Variants in PDE9A observed in about 807,000 individuals in gnomAD.
PDE9A encodes the protein high affinity cGMP-specific 3',5'-cyclic phosphodiesterase 9A.
Under a neutral mutation model 87.4 loss-of-function variants are expected in PDE9A, and 60 were observed. That is an observed-to-expected ratio of 0.69 (90% CI 0.56 to 0.85). The LOEUF (loss-of-function observed/expected upper bound fraction) is 0.85, where lower values mean the gene tolerates loss of function less well. PDE9A is among the 40% of genes least tolerant of loss of function. The probability of loss-of-function intolerance (pLI) is 0.00; values close to 1 mark genes in which losing one functional copy is unlikely to be tolerated. For missense variants in PDE9A, 665 were observed against 779.0 expected (o/e 0.85, Z 1.74); for synonymous variants, 272 against 279.4 (o/e 0.97, Z 0.27).
intron 7 of PDE9A, chr21:42,741,727 A>AT (rs61517773): frequency 0.38 from 58,462 of 151,986 alleles, 12,756 homozygotes; most frequent in African/African-American, 0.6. Context: ...CGGGAGGCTG[A>AT]TTCCAGCTAG....
intron 15 of PDE9A, 50 bp from the exon 16 acceptor site, chr21:42,768,138 G>C (rs975831223): frequency 4.9e-6 from 5 of 1,014,938 alleles, no homozygotes; most frequent in Non-Finnish European, 6.1e-6. Context: ...AGCAGCAGCA[G>C]GCCCGTGTTC....
At chr21:42,684,063 A>G (rs1468161551) in intron 1 of PDE9A, among the ~76,000 whole-genome samples, 2 of 152,252 alleles carry the variant, frequency 1.3e-5, no homozygotes, top group Non-Finnish European at 2.9e-5. Context: ...TTCTAATCCA[A>G]GAAACCCAAT....
At chr21:42,671,814 G>A (rs778282897) in intron 1 of PDE9A, among the ~76,000 whole-genome samples, 4 of 152,172 alleles carry the variant, frequency 2.6e-5, no homozygotes, top group African/African-American at 4.8e-5. Context: ...ATTATCGAGC[G>A]CTGAAAAAGG....
At chr21:42,687,470 G>T (rs1391799708) in intron 2 of PDE9A, among the ~76,000 whole-genome samples, 1 of 151,976 alleles carries the variant, frequency 6.6e-6, no homozygotes, top group Non-Finnish European at 1.5e-5. Context: ...CCCAAAACAT[G>T]TGAGGTTGGA....
intron 3 of PDE9A, chr21:42,689,403 A>G (rs780635609): frequency 2.3e-4 from 74 of 319,140 alleles, no homozygotes; most frequent in Non-Finnish European, 3.3e-4. Flanking sequence ...CTCCCCAGAG[A>G]CTCCAGTAAG....
intron 1 of PDE9A, among the ~76,000 whole-genome samples, chr21:42,670,891 G>A (rs1445423512): frequency 6.6e-6 from 1 of 151,722 alleles, no homozygotes. Context: ...GGTGTCTCCT[G>A]AGGTCTCTAG....
chr21:42,732,876 T>C (rs1468689908), intron 6 of PDE9A, among the ~76,000 whole-genome samples: 2 of 152,242 alleles, frequency 1.3e-5, no homozygotes, highest in African/African-American at 4.8e-5. Flanking sequence ...ATCACGCCAC[T>C]GCACTCCAGC....
rs763944815 is a variant in PDE9A at position 42,751,139 on chromosome 21, G to A, written c.677G>A (p.Ser226Asn). ...SSRTNCPCKYSFLDNHKKLTP... is the reference protein window; with the variant it reads ...SSRTNCPCKYNFLDNHKKLTP... ...AGGACCAACTGCCCCTGTAAGTACA[G>A]TTTTTTGGATAACCACAAGAAGTTG... The change falls in exon 9 of 20, where the codon AGT becomes AAT. Residue 226 changes from serine (S) to asparagine (N), a missense_variant. Transcript: ENST00000291539. 23 of 1,612,482 alleles carry A rather than the reference G, an allele frequency of 1.4e-5. 1 individual carries two copies. The South Asian group carries it at 2.5e-4, about 18-fold the overall frequency.
intron 13 of PDE9A, among the ~76,000 whole-genome samples, chr21:42,761,410 G>A (rs1188148982): frequency 2.6e-5 from 4 of 152,236 alleles, no homozygotes; most frequent in African/African-American, 9.6e-5. Context: ...CGTGGGGCCA[G>A]GGATCAGAAG....
chr21:42,758,791 CT>C (rs1423592900), intron 10 of PDE9A: 1 of 535,562 alleles, frequency 1.9e-6, no homozygotes, highest in East Asian at 3.2e-5. Context: ...CCCCACCCAT[CT>C]GAGTGGCCTG....
rs2058809039 is a variant in PDE9A, at chr21:42,675,666, A to G, written c.70-10526A>G. Among the ~76,000 whole-genome samples, 1 of 152,186 alleles carries G rather than the reference A, an allele frequency of 6.6e-6. No homozygotes were observed. Among genetic ancestry groups the G allele is most frequent in the East Asian group, 1.9e-4 (1 of 5,192 alleles). ...CTTCATCTCAGATACTCTCCTGAAGATAAGAGGAGAGTCCCATGCAGCCAT... is the reference window on the plus strand; with the variant it reads ...CTTCATCTCAGATACTCTCCTGAAGGTAAGAGGAGAGTCCCATGCAGCCAT... On this transcript the variant is annotated intron_variant, in intron 1 of 19. Coordinates refer to ENST00000291539, the MANE Select transcript of PDE9A (RefSeq NM_002606.3). The surrounding 1 kb of genome is among the most constrained non-coding windows in gnomAD (Gnocchi z 4.3).
At chr21:42,749,157 G>T (rs1476728736) in intron 8 of PDE9A, among the ~76,000 whole-genome samples, 1 of 152,182 alleles carries the variant, frequency 6.6e-6, no homozygotes, top group African/African-American at 2.4e-5. Flanking sequence ...AATTCCCCAG[G>T]ATAGATATGT....
chr21:42,708,265 C>G (rs182317051), intron 4 of PDE9A, among the ~76,000 whole-genome samples: 1 of 152,228 alleles, frequency 6.6e-6, no homozygotes, highest in African/African-American at 2.4e-5. Context: ...GCCTAGCCAA[C>G]AAAGACAGCA....
At chr21:42,753,519 C>T (rs900072580) in intron 9 of PDE9A, among the ~76,000 whole-genome samples, 3 of 152,168 alleles carry the variant, frequency 2.0e-5, no homozygotes, top group African/African-American at 7.2e-5. Context: ...GTAGCATTGG[C>T]CCTTTCCAGA....
rs375148519 is a variant in PDE9A at position 42,668,898 on chromosome 21, A to AC, written c.69+15021dup. 4.8e-4 allele frequency among the ~76,000 whole-genome samples: 50 copies of AC among 104,842 alleles called. 2 individuals carry two copies. Among genetic ancestry groups the AC allele is most frequent in the South Asian group, 1.1e-3 (4 of 3,606 alleles). 68.8% of individuals were successfully genotyped at this position (104,842 alleles called of 152,430 possible). The stretch of plus-strand genomic sequence containing the variant: ...ACGGATTATCAGAGCTGCTCCCTCC[A>AC]CCCCCCGCCACGTCCCACGCGGGCC... On this transcript the variant is annotated intron_variant, in intron 1 of 19. Transcript: ENST00000291539.
chr21:42,717,681 C>T (rs1284427312), intron 4 of PDE9A, among the ~76,000 whole-genome samples: 3 of 150,472 alleles, frequency 2.0e-5, no homozygotes, highest in African/African-American at 4.9e-5. Flanking sequence ...CGTGAACCAC[C>T]GTGCCCAGGC....
rs541489722 is a variant in PDE9A at position 42,772,437 on chromosome 21, A to T, written c.1687-2A>T. 2.5e-6 allele frequency: 4 copies of T among 1,601,606 alleles called. No homozygotes were observed. The highest frequency in any genetic ancestry group is 8.5e-7 in the Non-Finnish European group (1 of 1,171,632). On this transcript the variant is annotated splice_acceptor_variant, in intron 18 of 19. Coordinates refer to ENST00000291539, the MANE Select transcript of PDE9A (RefSeq NM_002606.3). LOFTEE classifies it high-confidence loss of function. ...CTTGGCCTTCTCTGTACTCTGTTCC[A>T]GTTACAGAAGAAGACTGACAGCTTG...
At chr21:42,668,417 T>C (rs2058154479) in intron 1 of PDE9A, among the ~76,000 whole-genome samples, 1 of 152,194 alleles carries the variant, frequency 6.6e-6, no homozygotes, top group African/African-American at 2.4e-5. Flanking sequence ...GGAAGGGTCA[T>C]GTTCATGCAG....
At chr21:42,744,163 G>A (rs111947143) in intron 8 of PDE9A, among the ~76,000 whole-genome samples, 2,182 of 152,302 alleles carry the variant, frequency 0.014, 32 homozygotes, top group Non-Finnish European at 0.021. Flanking sequence ...TACCGGCTTG[G>A]CCAACATGGT....
Sources: allele counts gnomAD v4.1 joint callset (sites outside exome capture counted in the v4.1 genomes callset), GRCh38; gene constraint gnomAD v4.1.1; non-coding constraint Gnocchi (gnomAD v3.1); transcripts MANE v1.5; gene names NCBI Gene and HGNC (gene_info 2026-07-23, HGNC 2026-07-21).